The following TENM2 variants were observed in gnomAD, a reference collection of about 807,000 sequenced individuals.
The protein encoded by TENM2 is teneurin-2.
A neutral mutation model predicts 245.2 loss-of-function variants in TENM2; 52 were observed. The ratio of observed to expected loss-of-function variants is 0.21; its 90% CI spans 0.17 to 0.27. The LOEUF (loss-of-function observed/expected upper bound fraction) is 0.27, where lower values mean the gene tolerates loss of function less well. TENM2 is among the 10% of genes least tolerant of loss of function. The probability of loss-of-function intolerance (pLI) is 1.00; values close to 1 mark genes in which losing one functional copy is unlikely to be tolerated. For missense variants in TENM2, 3,046 were observed against 3,666.8 expected (o/e 0.83, Z 4.37); for synonymous variants, 1,363 against 1,438.9 (o/e 0.95, Z 1.19).
intron 1 of TENM2, among the ~76,000 whole-genome samples, chr5:167,291,471 G>A (rs1754632083): frequency 6.6e-6 from 1 of 152,186 alleles, no homozygotes; most frequent in Non-Finnish European, 1.5e-5. Flanking sequence ...GATGTCTGCT[G>A]ATTACCCCCA....
intron 6 of TENM2, among the ~76,000 whole-genome samples, chr5:168,048,053 G>C (rs912092146): frequency 6.6e-6 from 1 of 152,338 alleles, no homozygotes; most frequent in Admixed American, 6.5e-5. Flanking sequence ...GAGCTGCTGT[G>C]CTTTGGGGGA....
At chr5:168,231,770 CAA>C (rs1764937995) in intron 25 of TENM2, among the ~76,000 whole-genome samples, 3 of 149,304 alleles carry the variant, frequency 2.0e-5, no homozygotes, top group African/African-American at 7.4e-5. Flanking sequence ...CAACAAACAA[CAA>C]CAACAACCAA....
intron 2 of TENM2, among the ~76,000 whole-genome samples, chr5:167,677,766 G>A (rs1278978032): frequency 6.7e-6 from 1 of 149,282 alleles, no homozygotes; most frequent in African/African-American, 2.4e-5. Context: ...GATAATTACA[G>A]AAAATACTAT....
intron 2 of TENM2, among the ~76,000 whole-genome samples, chr5:167,671,129 G>A (rs1755914816): frequency 6.6e-6 from 1 of 152,104 alleles, no homozygotes; most frequent in Non-Finnish European, 1.5e-5. Flanking sequence ...TAGAAGAAAG[G>A]CATCATTAAT....
chr5:167,937,486 G>A (rs1778815408), intron 3 of TENM2, among the ~76,000 whole-genome samples: 1 of 152,184 alleles, frequency 6.6e-6, no homozygotes, highest in Non-Finnish European at 1.5e-5. Flanking sequence ...ATACCCACCA[G>A]CAATGTGTGA....
intron 2 of TENM2, among the ~76,000 whole-genome samples, chr5:167,783,908 G>T (rs950555473): frequency 6.6e-6 from 1 of 151,992 alleles, no homozygotes; most frequent in Non-Finnish European, 1.5e-5. Flanking sequence ...GCTTAGAGGT[G>T]CAGTGTACCC....
the TENM2 span, among the ~76,000 whole-genome samples, chr5:167,124,889 G>A: frequency 1.1e-4 from 16 of 152,270 alleles, no homozygotes; most frequent in African/African-American, 3.8e-4. Flanking sequence ...AGGAGCAGCA[G>A]CAACGTTCTA....
rs1293791711 is a variant in TENM2, at chr5:167,321,809, GGGGC to G, written c.226+36750_226+36753del. On this transcript the variant is annotated intron_variant, in intron 1 of 28. Coordinates refer to ENST00000518659, the Ensembl canonical transcript of TENM2. ...TATTTTTTTTTTTTTTTTGGGGGGG[GGGGC>G]GGGGGGGGGGGTGGATGGAGTCACT... Among the ~76,000 whole-genome samples the G allele has an allele frequency of 9.6e-3, 164 of 17,134 alleles. 28 individuals are homozygous for G. Among genetic ancestry groups the G allele is most frequent in the African/African-American group, 0.024 (140 of 5,736 alleles). The allele number at this position is 17,134 out of a possible 152,430, so 11.2% of individuals were successfully genotyped here. A position where few individuals can be genotyped will look rare whatever the true frequency, so the allele number is the denominator to read the frequency against.
chr5:167,311,846 A>G (rs80182998), intron 1 of TENM2, among the ~76,000 whole-genome samples: 1 of 152,354 alleles, frequency 6.6e-6, no homozygotes, highest in Non-Finnish European at 1.5e-5. Flanking sequence ...CACATATGCA[A>G]CAATCCGTTT....
chr5:167,046,261 A>AT, the TENM2 span, among the ~76,000 whole-genome samples: 4 of 151,854 alleles, frequency 2.6e-5, no homozygotes, highest in South Asian at 2.1e-4. Context: ...ATGTAATGGG[A>AT]TTTTTTCCCC....
intron 1 of TENM2, among the ~76,000 whole-genome samples, chr5:167,351,316 G>C (rs999696967): frequency 1.3e-5 from 2 of 151,998 alleles, no homozygotes; most frequent in Admixed American, 1.3e-4. Flanking sequence ...TGACAACAAA[G>C]CGTCTTTCTT....
At chr5:167,924,239 C>T (rs1014099922) in intron 3 of TENM2, among the ~76,000 whole-genome samples, 2 of 152,144 alleles carry the variant, frequency 1.3e-5, no homozygotes, top group East Asian at 3.9e-4. Context: ...GCTCTCAGGC[C>T]CAGTTAGCTG....
chr5:167,462,378 A>G (rs907539022), intron 2 of TENM2, among the ~76,000 whole-genome samples: 9 of 152,232 alleles, frequency 5.9e-5, no homozygotes, highest in African/African-American at 2.2e-4. Context: ...TGGGCATGTT[A>G]CAGTGCTCTT....
chr5:168,081,566 T>G (rs1791999553), intron 7 of TENM2, among the ~76,000 whole-genome samples: 1 of 152,230 alleles, frequency 6.6e-6, no homozygotes, highest in Non-Finnish European at 1.5e-5. Flanking sequence ...CAGTGGCTTG[T>G]ACTGGTTGTT....
At chr5:167,377,003 G>C (rs924864535) in intron 2 of TENM2, among the ~76,000 whole-genome samples, 1 of 152,012 alleles carries the variant, frequency 6.6e-6, no homozygotes. Context: ...ACCTATAGAG[G>C]GAACCGTCTA....
intron 5 of TENM2, among the ~76,000 whole-genome samples, chr5:168,037,920 C>G (rs71603849): frequency 1.3e-5 from 2 of 152,200 alleles, no homozygotes; most frequent in Non-Finnish European, 2.9e-5. Context: ...CTCTGCCATT[C>G]TAATGTGACA....
At chr5:167,842,277 A>C (rs1171663480) in intron 2 of TENM2, among the ~76,000 whole-genome samples, 1 of 152,046 alleles carries the variant, frequency 6.6e-6, no homozygotes, top group Non-Finnish European at 1.5e-5. Context: ...AACAAAAACA[A>C]AAAAACAAAA....
intron 1 of TENM2, among the ~76,000 whole-genome samples, chr5:167,360,451 C>T (rs1249117425): frequency 6.6e-6 from 1 of 152,208 alleles, no homozygotes; most frequent in Non-Finnish European, 1.5e-5. Context: ...TTTGTTCTTC[C>T]GGCCCAGGGT....
At chr5:167,237,497 A>G in the TENM2 span, among the ~76,000 whole-genome samples, 4 of 151,780 alleles carry the variant, frequency 2.6e-5, no homozygotes, top group Admixed American at 2.0e-4. Flanking sequence ...TTGGTAAAAT[A>G]TGTTGAACTT....
Sources: gnomAD v4.1 joint callset for allele counts (sites outside exome capture counted in the v4.1 genomes callset) on GRCh38, gnomAD v4.1.1 for gene constraint, MANE v1.5 for transcripts, NCBI Gene and HGNC (gene_info 2026-07-23, HGNC 2026-07-21) for gene names.